The following LRBA variants were observed in gnomAD, a reference collection of about 807,000 sequenced individuals.
The protein encoded by LRBA is LPS responsive beige-like anchor protein.
LRBA carries 176 observed loss-of-function variants against 330.0 expected under a neutral mutation model. The observed-to-expected ratio is 0.53, with a 90% CI of 0.47 to 0.60. The LOEUF (loss-of-function observed/expected upper bound fraction) is 0.60, where lower values mean the gene tolerates loss of function less well. LRBA is among the 20% of genes least tolerant of loss of function. The probability of loss-of-function intolerance (pLI) is 0.00; values close to 1 mark genes in which losing one functional copy is unlikely to be tolerated. For missense variants in LRBA, 3,259 were observed against 3,444.8 expected (o/e 0.95, Z 1.35); for synonymous variants, 1,230 against 1,193.0 (o/e 1.03, Z -0.64).
intron 2 of LRBA, among the ~76,000 whole-genome samples, chr4:150,960,826 G>A (rs1157206964): frequency 6.7e-6 from 1 of 149,402 alleles, no homozygotes; most frequent in Non-Finnish European, 1.5e-5. Context: ...TTCAGGCAAT[G>A]CAATTCCATC....
intron 40 of LRBA, among the ~76,000 whole-genome samples, chr4:150,577,420 T>TA (rs35865758): frequency 0.41 from 61,367 of 148,768 alleles, 13,379 homozygotes; most frequent in Admixed American, 0.49. Flanking sequence ...TTCATTTTTT[T>TA]AAAAAAAAAA....
intron 30 of LRBA, among the ~76,000 whole-genome samples, chr4:150,823,615 A>C (rs928153752): frequency 2.0e-5 from 3 of 152,094 alleles, no homozygotes; most frequent in African/African-American, 4.8e-5. Context: ...TTAAGTCTTT[A>C]ATCCATTTTG....
At chr4:150,449,409 A>G (rs1211189385) in intron 44 of LRBA, among the ~76,000 whole-genome samples, 5 of 151,906 alleles carry the variant, frequency 3.3e-5, no homozygotes, top group Non-Finnish European at 7.4e-5. Flanking sequence ...CCTGAGGACC[A>G]TTTCAATGGG....
At chr4:150,269,800 C>G (rs1268262779) in intron 56 of LRBA, among the ~76,000 whole-genome samples, 1 of 151,918 alleles carries the variant, frequency 6.6e-6, no homozygotes, top group Non-Finnish European at 1.5e-5. Flanking sequence ...AATAAAAAAG[C>G]TGGGCATGGT....
At chr4:150,393,698 C>T (rs1181934037) in intron 47 of LRBA, among the ~76,000 whole-genome samples, 2 of 152,136 alleles carry the variant, frequency 1.3e-5, no homozygotes, top group East Asian at 3.9e-4. Flanking sequence ...GTTTCCCAGG[C>T]AGGTCTTGAA....
At chr4:150,868,153 G>C in intron 21 of LRBA, 29 bp downstream of exon 21, 3 of 1,581,718 alleles carry the variant, frequency 1.9e-6, no homozygotes, top group Non-Finnish European at 1.7e-6. Context: ...TTTGAATACT[G>C]CAAATAAATG....
chr4:150,617,579 T>C (rs1775887613), intron 37 of LRBA, among the ~76,000 whole-genome samples: 1 of 151,784 alleles, frequency 6.6e-6, no homozygotes, highest in African/African-American at 2.4e-5. Context: ...GAGGCGGAGG[T>C]TGCAGTGAGC....
intron 2 of LRBA, among the ~76,000 whole-genome samples, chr4:151,011,846 T>G (rs766129884): frequency 6.6e-6 from 1 of 151,706 alleles, no homozygotes; most frequent in African/African-American, 2.4e-5. Flanking sequence ...AGCTAATTTT[T>G]TATTTAATTT....
At chr4:150,538,635 A>G (rs1489229324) in intron 40 of LRBA, among the ~76,000 whole-genome samples, 1 of 151,980 alleles carries the variant, frequency 6.6e-6, no homozygotes, top group Admixed American at 6.6e-5. Flanking sequence ...AGAGACTACT[A>G]AAGGGGGGAG....
intron 22 of LRBA, among the ~76,000 whole-genome samples, chr4:150,862,882 G>C (rs574993900): frequency 2.6e-5 from 4 of 152,128 alleles, no homozygotes; most frequent in Admixed American, 6.5e-5. Context: ...GCCAGGCTGA[G>C]GCAGGAGAAT....
At chr4:150,505,997 G>C (rs1041290697) in intron 40 of LRBA, among the ~76,000 whole-genome samples, 1 of 152,122 alleles carries the variant, frequency 6.6e-6, no homozygotes, top group Non-Finnish European at 1.5e-5. Context: ...TAAATTCCTC[G>C]ACACATACAT....
At chr4:150,273,986 C>A (rs765077354) in intron 56 of LRBA, among the ~76,000 whole-genome samples, 1 of 152,130 alleles carries the variant, frequency 6.6e-6, no homozygotes, top group South Asian at 2.1e-4. Flanking sequence ...AAATCTCCAC[C>A]CCAAATCATC....
intron 2 of LRBA, among the ~76,000 whole-genome samples, chr4:150,965,409 G>T (rs1738765191): frequency 6.6e-6 from 1 of 152,156 alleles, no homozygotes; most frequent in Admixed American, 6.5e-5. Context: ...TCTGTACAAT[G>T]AACAAGTGAA....
intron 40 of LRBA, among the ~76,000 whole-genome samples, chr4:150,503,755 G>A (rs994479940): frequency 4.6e-5 from 7 of 152,168 alleles, no homozygotes; most frequent in South Asian, 2.1e-4. Context: ...TGACTTTGAC[G>A]AGTTGAGAGA....
intron 40 of LRBA, among the ~76,000 whole-genome samples, chr4:150,549,580 C>A (rs898516954): frequency 3.9e-5 from 6 of 152,292 alleles, no homozygotes; most frequent in African/African-American, 1.2e-4. Context: ...ATCTGCCCGC[C>A]TCGGCCTCCC....
intron 53 of LRBA, among the ~76,000 whole-genome samples, chr4:150,288,584 G>A (rs1191505557): frequency 3.9e-5 from 6 of 151,998 alleles, no homozygotes; most frequent in South Asian, 2.1e-4. Context: ...GCGAGACTCC[G>A]TCTCAAAAAA....
At chr4:150,552,085 T>A (rs371106548) in intron 40 of LRBA, among the ~76,000 whole-genome samples, 1 of 152,048 alleles carries the variant, frequency 6.6e-6, no homozygotes, top group Non-Finnish European at 1.5e-5. Context: ...CGCACCCCTA[T>A]GAAAATCTAA....
At chr4:150,315,075 A>T (rs1731543046) in intron 51 of LRBA, 1 of 179,290 alleles carries the variant, frequency 5.6e-6, no homozygotes, top group South Asian at 1.2e-4. Flanking sequence ...AGGTCTAGGA[A>T]GAAAGGATTG....
At chr4:150,611,896 T>G (rs142151176) in intron 37 of LRBA, among the ~76,000 whole-genome samples, 17 of 151,920 alleles carry the variant, frequency 1.1e-4, no homozygotes, top group African/African-American at 2.2e-4. Context: ...TTCTACGCGC[T>G]CTCTCTCTCT....
Sources: allele counts gnomAD v4.1 joint callset (sites outside exome capture counted in the v4.1 genomes callset), GRCh38; gene constraint gnomAD v4.1.1; transcripts MANE v1.5; gene names NCBI Gene and HGNC (gene_info 2026-07-23, HGNC 2026-07-21).